Variants in BMP5 observed in about 807,000 individuals in gnomAD.
The protein encoded by BMP5 is bone morphogenetic protein 5.
In BMP5, 23 loss-of-function variants were observed where a neutral mutation model predicts 46.6. That is an observed-to-expected ratio of 0.49 (90% CI 0.35 to 0.70). The LOEUF is 0.70. BMP5 is among the 30% of genes least tolerant of loss of function. BMP5 has a pLI of 0.00. For synonymous variants in BMP5, 204 were observed against 191.9 expected (o/e 1.06, Z -0.52); for missense variants, 545 against 565.6 (o/e 0.96, Z 0.37).
At chr6:55,794,169 A>C (rs2127528952) in intron 3 of BMP5, 110 bp downstream of exon 3, 1 of 1,200,996 alleles carries the variant, frequency 8.3e-7, no homozygotes, top group Admixed American at 2.1e-5. Context: ...GAATGCGTTG[A>C]CTTGGACATC....
chr6:55,814,593 T>C (rs1776210908), intron 2 of BMP5, among the ~76,000 whole-genome samples: 1 of 152,186 alleles, frequency 6.6e-6, no homozygotes, highest in Admixed American at 6.5e-5. Context: ...AAGTCCTTCA[T>C]AGAAACCTGA....
At chr6:55,804,309 G>A (rs896610284) in intron 2 of BMP5, among the ~76,000 whole-genome samples, 1 of 152,154 alleles carries the variant, frequency 6.6e-6, no homozygotes, top group Non-Finnish European at 1.5e-5. Context: ...CATGAAGATG[G>A]AAGAGGAGAT....
chr6:55,829,411 G>C (rs1331842970), intron 1 of BMP5, among the ~76,000 whole-genome samples: 1 of 151,430 alleles, frequency 6.6e-6, no homozygotes, highest in Non-Finnish European at 1.5e-5. Context: ...TGCCATTCCA[G>C]TGAATTCAAA....
intron 2 of BMP5, among the ~76,000 whole-genome samples, chr6:55,815,244 A>T (rs753951587): frequency 6.6e-6 from 1 of 152,186 alleles, no homozygotes; most frequent in Non-Finnish European, 1.5e-5. Context: ...AAAAACAAAT[A>T]TCACAGAGGA....
chr6:55,839,969 T>C (rs1388484066), intron 1 of BMP5, among the ~76,000 whole-genome samples: 2 of 152,136 alleles, frequency 1.3e-5, no homozygotes, highest in Non-Finnish European at 2.9e-5. Context: ...GTATGTATAT[T>C]GATAATATTT....
chr6:55,794,486 T>C, intron 2 of BMP5, 59 bp from the exon 3 acceptor site: 1 of 1,534,232 alleles, frequency 6.5e-7, no homozygotes, highest in Non-Finnish European at 9.0e-7. Context: ...CATTATTTCC[T>C]AGACTTAAGT....
intron 2 of BMP5, among the ~76,000 whole-genome samples, chr6:55,815,133 C>CAAAAAA (rs35015007): frequency 1.4e-4 from 11 of 77,914 alleles, no homozygotes; most frequent in South Asian, 1.0e-3. Context: ...AACTCCATCT[C>CAAAAAA]AAAAAAAAAA....
chr6:55,768,912 A>G (rs965904822), intron 4 of BMP5, among the ~76,000 whole-genome samples: 2 of 151,972 alleles, frequency 1.3e-5, no homozygotes, highest in East Asian at 3.9e-4. Flanking sequence ...TGTAAAAGTT[A>G]TGGTTACATT....
chr6:55,794,016 CA>C (rs1562040967), intron 3 of BMP5, among the ~76,000 whole-genome samples: 1 of 152,072 alleles, frequency 6.6e-6, no homozygotes, highest in East Asian at 1.9e-4. Flanking sequence ...TACAGGTCTT[CA>C]ACACTAGACT....
chr6:55,796,892 T>C (rs1343892756), intron 2 of BMP5, among the ~76,000 whole-genome samples: 2 of 152,190 alleles, frequency 1.3e-5, no homozygotes, highest in Non-Finnish European at 2.9e-5. Flanking sequence ...GATGAAGTGG[T>C]ATGGTCTAAA....
At chr6:55,755,795 T>A in intron 6 of BMP5, 113 bp from the exon 7 acceptor site, 1 of 1,005,206 alleles carries the variant, frequency 9.9e-7, no homozygotes, top group Non-Finnish European at 1.5e-6. Flanking sequence ...ATTAAGCTGA[T>A]CTCCCTTCTC....
At chr6:55,759,180 A>AAAAAAAAAAAAAAC in intron 5 of BMP5, 65 bp from the exon 6 acceptor site, 1 of 789,868 alleles carries the variant, frequency 1.3e-6, no homozygotes, top group East Asian at 3.3e-5. Context: ...AAAAAAAAAA[A>AAAAAAAAAAAAAAC]AAACAACAAG....
At chr6:55,824,047 A>G (rs919537339) in intron 1 of BMP5, among the ~76,000 whole-genome samples, 3 of 151,912 alleles carry the variant, frequency 2.0e-5, no homozygotes, top group African/African-American at 7.2e-5. Context: ...CCAACCTTTT[A>G]TTTACCAGAG....
chr6:55,836,890 A>T (rs1226793896), intron 1 of BMP5, among the ~76,000 whole-genome samples: 1 of 152,184 alleles, frequency 6.6e-6, no homozygotes, highest in Non-Finnish European at 1.5e-5. Flanking sequence ...AACTACAGGG[A>T]TATAAAAATT....
In BMP5 at chr6:55,753,770, T is replaced by C. The variant is rs1562020663; in HGVS notation, c.*1763A>G. The C allele has an allele frequency of 1.3e-5, 2 of 151,952 alleles. No individual in the cohort carries two copies. The highest frequency in any genetic ancestry group is 1.3e-4 in the Admixed American group (2 of 15,220). The allele number at this position is 151,952 out of a possible 1,614,324, so 9.4% of individuals were successfully genotyped here. The stretch of plus-strand genomic sequence containing the variant: ...ACAAACAGTTTACATTTGATAAATA[T>C]TCTTATTGTCTCAATTTATGATATA... On this transcript the variant is annotated 3_prime_UTR_variant, in exon 7 of 7. Transcript: ENST00000370830.
intron 1 of BMP5, among the ~76,000 whole-genome samples, chr6:55,833,896 CAAT>C (rs556957479): frequency 2.2e-3 from 328 of 152,084 alleles, no homozygotes; most frequent in African/African-American, 7.7e-3. Context: ...CCACTAACAA[CAAT>C]GATGATGACT....
chr6:55,794,205 T>C, intron 3 of BMP5, 74 bp downstream of exon 3: 1 of 1,503,840 alleles, frequency 6.6e-7, no homozygotes, highest in South Asian at 1.2e-5. Context: ...ATATTGGTTA[T>C]ATCACATAAA....
At chr6:55,767,876 T>C (rs1774952447) in intron 4 of BMP5, among the ~76,000 whole-genome samples, 1 of 151,980 alleles carries the variant, frequency 6.6e-6, no homozygotes, top group African/African-American at 2.4e-5. Flanking sequence ...TTAGCTCACG[T>C]TATTTGACAT....
In BMP5 at chr6:55,798,954, G is replaced by A. The variant is rs370534300; in HGVS notation, c.684-4527C>T. On this transcript the variant is annotated intron_variant, in intron 2 of 6. Coordinates refer to ENST00000370830, the MANE Select transcript of BMP5 (RefSeq NM_021073.4). The stretch of plus-strand genomic sequence containing the variant: ...GGAACCAAAATTCAGCAGAATTTAA[G>A]TTACTACCATTAGCATAACTCAACC... Among the ~76,000 whole-genome samples, 76 of 152,296 alleles carry A rather than the reference G, an allele frequency of 5.0e-4. No homozygotes were observed. The South Asian group carries it at 0.015, about 31-fold the overall frequency.
Sources: allele counts gnomAD v4.1 joint callset (sites outside exome capture counted in the v4.1 genomes callset), GRCh38; gene constraint gnomAD v4.1.1; transcripts MANE v1.5; gene names NCBI Gene and HGNC (gene_info 2026-07-23, HGNC 2026-07-21).